MYH14: variants seen among roughly 807,000 people sequenced by gnomAD.
The protein encoded by MYH14 is myosin-14.
Under a neutral mutation model 255.5 loss-of-function variants are expected in MYH14, and 123 were observed. That is an observed-to-expected ratio of 0.48 (90% CI 0.42 to 0.56). The LOEUF is 0.56. MYH14 is among the 20% of genes least tolerant of loss of function. MYH14 has a pLI of 0.00. For missense variants in MYH14, 2,423 were observed against 2,802.3 expected (o/e 0.86, Z 3.06); for synonymous variants, 1,095 against 1,161.2 (o/e 0.94, Z 1.16).
intron 39 of MYH14, among the ~76,000 whole-genome samples, chr19:50,294,515 A>G (rs1328298789): frequency 2.0e-5 from 3 of 149,414 alleles, no homozygotes; most frequent in Non-Finnish European, 3.0e-5. Flanking sequence ...GCTCACTGCA[A>G]CCTCTGCCTC....
chr19:50,277,918 A>C (rs562806690), intron 29 of MYH14, among the ~76,000 whole-genome samples, 165 bp from the exon 30 acceptor site: 43 of 128,962 alleles, frequency 3.3e-4, no homozygotes, highest in African/African-American at 1.5e-3. Context: ...GCACTGTCTC[A>C]AAAAAAAAAA....
intron 34 of MYH14, 130 bp downstream of exon 34, chr19:50,286,824 A>G (rs2035908095): frequency 5.2e-6 from 5 of 959,256 alleles, no homozygotes; most frequent in Non-Finnish European, 7.8e-6. Flanking sequence ...AAAGAGAACA[A>G]GAGGGCTGGG....
chr19:50,223,940 G>C (rs534513963), intron 5 of MYH14, among the ~76,000 whole-genome samples: 3 of 152,062 alleles, frequency 2.0e-5, no homozygotes, highest in African/African-American at 7.2e-5. Flanking sequence ...GGACCCCATC[G>C]CTACAAAAAA....
At chr19:50,223,972 G>C (rs2032972067) in intron 5 of MYH14, among the ~76,000 whole-genome samples, 182 bp from the exon 6 acceptor site, 2 of 152,138 alleles carry the variant, frequency 1.3e-5, no homozygotes, top group East Asian at 3.9e-4. Flanking sequence ...AAAGGAGGTA[G>C]AGTGGGATTC....
At chr19:50,238,649 A>G (rs2123264108) in intron 10 of MYH14, among the ~76,000 whole-genome samples, 1 of 152,152 alleles carries the variant, frequency 6.6e-6, no homozygotes, top group South Asian at 2.1e-4. Context: ...GTCGGGGTTC[A>G]CCATGTTGGC....
intron 41 of MYH14, 137 bp from the exon 42 acceptor site, chr19:50,308,868 A>C: frequency 1.2e-6 from 1 of 836,212 alleles, no homozygotes; most frequent in Non-Finnish European, 1.9e-6. Context: ...AGAAAAGAAC[A>C]AGGCCTAAAC....
intron 40 of MYH14, among the ~76,000 whole-genome samples, chr19:50,303,514 G>T (rs146642739): frequency 6.6e-6 from 1 of 152,142 alleles, no homozygotes; most frequent in Non-Finnish European, 1.5e-5. Flanking sequence ...CACTCAGCCC[G>T]CTCAGATTCA....
At chr19:50,247,443 G>A (rs1011094090) in intron 12 of MYH14, among the ~76,000 whole-genome samples, 3 of 151,892 alleles carry the variant, frequency 2.0e-5, no homozygotes, top group African/African-American at 7.3e-5. Flanking sequence ...GTTTGAGGCT[G>A]CAGCGAGCTG....
Position 50,309,620 on chromosome 19 carries a change from C to T in MYH14, c.5961-20C>T. 1.3e-6 allele frequency: 2 copies of T among 1,590,648 alleles called. No individual in the cohort carries two copies. Among genetic ancestry groups the T allele is most frequent in the Non-Finnish European group, 1.7e-6 (2 of 1,165,622 alleles). The stretch of plus-strand genomic sequence containing the variant: ...CCTCCCCTCATTTCATCTCTGTATC[C>T]TGGTCTCTCCTCCCCACAGACGCGG... On this transcript the variant is annotated intron_variant, in intron 42 of 42. Coordinates refer to ENST00000642316, the MANE Select transcript of MYH14 (RefSeq NM_001145809.2).
At chr19:50,224,740 T>A (rs911239643) in intron 6 of MYH14, 9 of 453,724 alleles carry the variant, frequency 2.0e-5, no homozygotes, top group Admixed American at 7.1e-5. Context: ...GAACCCACTA[T>A]TTTTTGAAGG....
intron 7 of MYH14, 87 bp from the exon 8 acceptor site, chr19:50,226,816 C>A: frequency 1.6e-6 from 2 of 1,251,646 alleles, no homozygotes; most frequent in Non-Finnish European, 2.3e-6. Context: ...GCTCTGGGAG[C>A]AGTGGGTGTG....
At chr19:50,307,398 G>C (rs911595173) in intron 41 of MYH14, among the ~76,000 whole-genome samples, 6 of 152,164 alleles carry the variant, frequency 3.9e-5, no homozygotes, top group Non-Finnish European at 7.3e-5. Context: ...GAGGAAGCCA[G>C]GGCAAGGGAA....
At chr19:50,254,109 CG>C (rs926554996) in intron 16 of MYH14, among the ~76,000 whole-genome samples, 4 of 150,640 alleles carry the variant, frequency 2.7e-5, no homozygotes, top group African/African-American at 9.8e-5. Context: ...CCCAGCTACT[CG>C]GGGGGCTGAG....
intron 24 of MYH14, among the ~76,000 whole-genome samples, chr19:50,269,700 C>T (rs1164726442): frequency 6.6e-6 from 1 of 152,082 alleles, no homozygotes. Flanking sequence ...TGGAGGTGAC[C>T]CCTGGGTGCC....
intron 33 of MYH14, chr19:50,285,473 T>G (rs2035862597): frequency 6.6e-6 from 1 of 152,232 alleles, no homozygotes; most frequent in African/African-American, 2.4e-5. Flanking sequence ...TTCTAAGTAT[T>G]TCATGGTTTT....
chr19:50,290,744 A>G, intron 35 of MYH14, 143 bp from the exon 36 acceptor site: 1 of 802,748 alleles, frequency 1.2e-6, no homozygotes. Context: ...TAGAGAGGAG[A>G]CCAAGTAAAG....
chr19:50,261,842 G>A (rs1432889643), intron 21 of MYH14, among the ~76,000 whole-genome samples: 1 of 152,212 alleles, frequency 6.6e-6, no homozygotes, highest in East Asian at 1.9e-4. Context: ...AGTAAGACTG[G>A]CAACACAGAG....
chr19:50,222,768 G>A (rs2032900699), intron 3 of MYH14, among the ~76,000 whole-genome samples: 1 of 152,126 alleles, frequency 6.6e-6, no homozygotes, highest in Non-Finnish European at 1.5e-5. Flanking sequence ...TGCCCAGCAT[G>A]AGGCAGCACA....
intron 39 of MYH14, among the ~76,000 whole-genome samples, chr19:50,296,108 C>CA (rs79336591): frequency 0.026 from 3,127 of 119,438 alleles, 87 homozygotes; most frequent in South Asian, 0.089. Flanking sequence ...GACTTTGTCT[C>CA]AAAAAAAAAA....
Sources: gnomAD v4.1 joint callset for allele counts (sites outside exome capture counted in the v4.1 genomes callset) on GRCh38, gnomAD v4.1.1 for gene constraint, MANE v1.5 for transcripts, NCBI Gene and HGNC (gene_info 2026-07-23, HGNC 2026-07-21) for gene names.